Variants in NOL4 observed in about 807,000 individuals in gnomAD.
The protein encoded by NOL4 is nucleolar protein 4.
NOL4 carries 17 observed loss-of-function variants against 75.9 expected under a neutral mutation model. The ratio of observed to expected loss-of-function variants is 0.22; its 90% CI spans 0.15 to 0.34. The LOEUF (loss-of-function observed/expected upper bound fraction) is 0.34, where lower values mean the gene tolerates loss of function less well. Ranked by LOEUF, NOL4 falls within the 10% of genes least tolerant of loss-of-function variation. The probability of loss-of-function intolerance (pLI) is 1.00; values close to 1 mark genes in which losing one functional copy is unlikely to be tolerated. For synonymous variants in NOL4, 292 were observed against 289.9 expected (o/e 1.01, Z -0.07); for missense variants, 614 against 793.5 (o/e 0.77, Z 2.72).
chr18:33,943,254 G>T, intron 8 of NOL4, 76 bp from the exon 9 acceptor site: 1 of 911,424 alleles, frequency 1.1e-6, no homozygotes, highest in Middle Eastern at 2.3e-4. Context: ...TCTCAGAAGA[G>T]CTCTCAGGAT....
At chr18:34,156,172 T>A (rs935546191) in intron 1 of NOL4, among the ~76,000 whole-genome samples, 1 of 152,112 alleles carries the variant, frequency 6.6e-6, no homozygotes, top group African/African-American at 2.4e-5. Flanking sequence ...TTTACCAGAG[T>A]AAGATCTTAC....
intron 1 of NOL4, among the ~76,000 whole-genome samples, chr18:34,160,665 T>C (rs1395923411): frequency 1.3e-5 from 2 of 152,194 alleles, no homozygotes; most frequent in African/African-American, 4.8e-5. Context: ...CAAATGATCT[T>C]TTAATTAGAG....
chr18:33,922,603 A>G lies in NOL4; in HGVS notation c.1542+20462T>C, dbSNP rs118007293. 1.0e-2 allele frequency among the ~76,000 whole-genome samples: 1,516 copies of G among 152,282 alleles called. 6 individuals carry two copies. The highest frequency in any genetic ancestry group is 0.037 in the Middle Eastern group (11 of 294). On this transcript the variant is annotated intron_variant, in intron 9 of 10. Coordinates refer to ENST00000261592, the MANE Select transcript of NOL4 (RefSeq NM_003787.5). ...CTCAATGGCCTGAAAGAGCAGACAAATTGTCTTTAATTTTTTCCTGGGGGA... is the reference window on the plus strand; with the variant it reads ...CTCAATGGCCTGAAAGAGCAGACAAGTTGTCTTTAATTTTTTCCTGGGGGA...
At chr18:33,920,159 G>C (rs543152291) in intron 9 of NOL4, among the ~76,000 whole-genome samples, 3 of 152,072 alleles carry the variant, frequency 2.0e-5, no homozygotes, top group Non-Finnish European at 2.9e-5. Flanking sequence ...GTATGTATGA[G>C]GGACATAGAG....
chr18:34,149,485 TAGAA>T (rs1167106203), intron 1 of NOL4, among the ~76,000 whole-genome samples: 1 of 151,636 alleles, frequency 6.6e-6, no homozygotes, highest in African/African-American at 2.4e-5. Context: ...ATTTGAAGCC[TAGAA>T]AGAAAGATTA....
At chr18:34,183,035 G>A (rs998877628) in intron 1 of NOL4, among the ~76,000 whole-genome samples, 4 of 151,670 alleles carry the variant, frequency 2.6e-5, no homozygotes, top group Non-Finnish European at 4.4e-5. Context: ...TATCATTTGT[G>A]AAAGAAAAAT....
intron 5 of NOL4, among the ~76,000 whole-genome samples, chr18:34,089,548 C>T (rs1258034529): frequency 2.6e-5 from 4 of 152,148 alleles, no homozygotes; most frequent in Admixed American, 6.5e-5. Context: ...GTAACACTAG[C>T]CATATTTCAA....
chr18:33,855,893 G>T (rs957392227), intron 10 of NOL4, among the ~76,000 whole-genome samples: 3 of 151,510 alleles, frequency 2.0e-5, no homozygotes, highest in Admixed American at 6.6e-5. Context: ...GTGCATTTTT[G>T]GTTGTTGTTT....
At chr18:34,131,250 G>A (rs2080637887) in intron 1 of NOL4, among the ~76,000 whole-genome samples, 1 of 152,060 alleles carries the variant, frequency 6.6e-6, no homozygotes. Context: ...CCAGCAGACT[G>A]AGCTCACTGC....
At chr18:33,995,177 A>G (rs893693902) in intron 6 of NOL4, among the ~76,000 whole-genome samples, 4 of 151,606 alleles carry the variant, frequency 2.6e-5, no homozygotes, top group African/African-American at 9.7e-5. Flanking sequence ...GAATTCTACC[A>G]AACGTTTAAA....
At chr18:33,918,259 A>G (rs1232876188) in intron 9 of NOL4, among the ~76,000 whole-genome samples, 3 of 152,198 alleles carry the variant, frequency 2.0e-5, no homozygotes, top group African/African-American at 4.8e-5. Context: ...GCTGGTTTCA[A>G]AGCAGCTCAC....
intron 6 of NOL4, among the ~76,000 whole-genome samples, chr18:33,984,292 T>C (rs186289812): frequency 1.3e-5 from 2 of 152,186 alleles, no homozygotes; most frequent in East Asian, 1.9e-4. Flanking sequence ...AAATATACAG[T>C]GAAATATACC....
At chr18:34,090,440 G>A (rs2078456847) in intron 5 of NOL4, among the ~76,000 whole-genome samples, 1 of 152,108 alleles carries the variant, frequency 6.6e-6, no homozygotes, top group Admixed American at 6.6e-5. Context: ...ATAGGTAAGG[G>A]GAGATAGTCC....
At chr18:33,945,460 A>C (rs2068771974) in intron 8 of NOL4, among the ~76,000 whole-genome samples, 1 of 151,844 alleles carries the variant, frequency 6.6e-6, no homozygotes, top group South Asian at 2.1e-4. Context: ...TTAATTTTTA[A>C]AAACAACTTT....
intron 1 of NOL4, among the ~76,000 whole-genome samples, chr18:34,147,787 A>T (rs2081468768): frequency 6.6e-6 from 1 of 152,116 alleles, no homozygotes; most frequent in Non-Finnish European, 1.5e-5. Flanking sequence ...TTTCAGAAGG[A>T]ATGGTACCAG....
At chr18:33,884,284 CTTTTT>C (rs2051335511) in intron 9 of NOL4, among the ~76,000 whole-genome samples, 2 of 151,866 alleles carry the variant, frequency 1.3e-5, no homozygotes, top group African/African-American at 4.8e-5. Flanking sequence ...GTGTCTTTCT[CTTTTT>C]ATTATTTTGT....
chr18:33,934,669 C>G (rs973180829), intron 9 of NOL4, among the ~76,000 whole-genome samples: 4 of 152,106 alleles, frequency 2.6e-5, no homozygotes, highest in African/African-American at 7.2e-5. Context: ...TAGCTTCTGA[C>G]TTTTCTCCTG....
chr18:34,003,275 A>G (rs2073841219), intron 6 of NOL4, among the ~76,000 whole-genome samples: 1 of 152,006 alleles, frequency 6.6e-6, no homozygotes, highest in African/African-American at 2.4e-5. Flanking sequence ...GTGTTTTATT[A>G]TAATTATCTA....
At position 34,080,609 on chromosome 18, in the gene NOL4, C is replaced by T. The variant is rs575220372; in HGVS notation, c.772+12856G>A. Among the ~76,000 whole-genome samples the T allele has an allele frequency of 1.8e-4, 28 of 152,280 alleles. 1 individual carries two copies. Among genetic ancestry groups the T allele is most frequent in the East Asian group, 1.7e-3 (9 of 5,182 alleles). ...TACTGTGAAGGCTGGGCCACTGCTA[C>T]GTCCATTGTACCACATCCTTGTCCA... On this transcript the variant is annotated intron_variant, in intron 5 of 10. Transcript: ENST00000261592.
Sources: gnomAD v4.1 joint callset for allele counts (sites outside exome capture counted in the v4.1 genomes callset) on GRCh38, gnomAD v4.1.1 for gene constraint, MANE v1.5 for transcripts, NCBI Gene and HGNC (gene_info 2026-07-23, HGNC 2026-07-21) for gene names.